Variants in NSMCE2 observed in about 807,000 individuals in gnomAD.
NSMCE2 encodes NSE2 SUMO ligase component of SMC5/6 complex, also known as E3 SUMO-protein ligase NSE2.
A neutral mutation model predicts 23.8 loss-of-function variants in NSMCE2; 24 were observed. The ratio of observed to expected loss-of-function variants is 1.01; its 90% CI spans 0.73 to 1.42. NSMCE2 has a LOEUF of 1.42. Ranked by LOEUF, NSMCE2 falls within the 40% of genes most tolerant of loss-of-function variation. The probability of loss-of-function intolerance (pLI) is 0.00; values close to 1 mark genes in which losing one functional copy is unlikely to be tolerated. For missense variants in NSMCE2, 284 were observed against 296.5 expected, an observed-to-expected ratio of 0.96 and a Z score of 0.31; for synonymous variants, 92 against 94.1, an observed-to-expected ratio of 0.98 and a Z score of 0.13.
chr8:125,250,500 CATTT>C (rs1254006794), intron 5 of NSMCE2, among the ~76,000 whole-genome samples: 1 of 152,228 alleles, frequency 6.6e-6, no homozygotes, highest in African/African-American at 2.4e-5. Flanking sequence ...TGTAAGTAAA[CATTT>C]ATTAACTAAA....
Position 125,247,724 on chromosome 8 carries a change from C to CAAA in NSMCE2, c.418+65481_418+65483dup, listed in dbSNP as rs35494894. 2.8e-4 allele frequency among the ~76,000 whole-genome samples: 32 copies of CAAA among 113,024 alleles called. 1 individual carries two copies. The highest frequency in any genetic ancestry group is 3.1e-4 in the Non-Finnish European group (16 of 51,382). The allele number at this position is 113,024 out of a possible 152,430, so 74.1% of individuals were successfully genotyped here. ...GGACAACAAGAGCAAAATTCTGTCTCAAAAAAAAAAAAAAAGATTTGTTTC... is the reference window on the plus strand; with the variant it reads ...GGACAACAAGAGCAAAATTCTGTCTCAAAAAAAAAAAAAAAAAAGATTTGTTTC... On this transcript the variant is annotated intron_variant, in intron 5 of 7. Transcript: ENST00000287437.
intron 3 of NSMCE2, among the ~76,000 whole-genome samples, chr8:125,133,954 C>A (rs1290729121): frequency 6.6e-6 from 1 of 152,108 alleles, no homozygotes; most frequent in Non-Finnish European, 1.5e-5. Flanking sequence ...TGGGCTCCAA[C>A]CCCCAAGGCT....
chr8:125,178,801 T>C (rs1324957119), intron 4 of NSMCE2, among the ~76,000 whole-genome samples: 1 of 151,604 alleles, frequency 6.6e-6, no homozygotes, highest in Non-Finnish European at 1.5e-5. Flanking sequence ...ACCCGGGAGG[T>C]GGAGCTTGCA....
intron 4 of NSMCE2, among the ~76,000 whole-genome samples, chr8:125,152,417 A>G (rs1475638369): frequency 6.6e-6 from 1 of 152,212 alleles, no homozygotes; most frequent in Non-Finnish European, 1.5e-5. Context: ...AGTCTGGAGC[A>G]GGACTGGGAC....
chr8:125,106,832 C>T (rs1323893468), intron 3 of NSMCE2, among the ~76,000 whole-genome samples: 1 of 151,466 alleles, frequency 6.6e-6, no homozygotes, highest in African/African-American at 2.4e-5. Context: ...CCTGTCTCTA[C>T]TAAAAATACA....
chr8:125,170,394 T>C (rs1822131531), intron 4 of NSMCE2, among the ~76,000 whole-genome samples: 2 of 98,264 alleles, frequency 2.0e-5, no homozygotes, highest in African/African-American at 4.2e-5. Context: ...TTTTTTTTTT[T>C]TTTTTTTTTT....
At chr8:125,277,310 C>A (rs1253303858) in intron 5 of NSMCE2, among the ~76,000 whole-genome samples, 1 of 152,122 alleles carries the variant, frequency 6.6e-6, no homozygotes, top group Non-Finnish European at 1.5e-5. Context: ...ATCTCCTCCT[C>A]AAGTCACCTC....
At chr8:125,121,658 C>T (rs1475700724) in intron 3 of NSMCE2, among the ~76,000 whole-genome samples, 1 of 152,166 alleles carries the variant, frequency 6.6e-6, no homozygotes, top group East Asian at 1.9e-4. Flanking sequence ...CATAGGCATA[C>T]ATCTTTTGTA....
chr8:125,101,380 A>G (rs753018029), intron 1 of NSMCE2, among the ~76,000 whole-genome samples: 3 of 152,226 alleles, frequency 2.0e-5, no homozygotes, highest in Non-Finnish European at 4.4e-5. Flanking sequence ...TTAATTGTGT[A>G]CTGTATGCTA....
intron 5 of NSMCE2, among the ~76,000 whole-genome samples, chr8:125,313,198 GAGAGAA>G (rs1444874708): frequency 5.5e-5 from 8 of 144,596 alleles, no homozygotes; most frequent in African/African-American, 1.3e-4. Flanking sequence ...AAGAAAGAGA[GAGAGAA>G]AGAAAGAAAG....
intron 3 of NSMCE2, among the ~76,000 whole-genome samples, chr8:125,132,654 C>T (rs760407493): frequency 4.6e-5 from 7 of 152,016 alleles, no homozygotes; most frequent in Non-Finnish European, 7.4e-5. Flanking sequence ...CTACCACACT[C>T]GGGTCATTCT....
chr8:125,283,717 G>C (rs1436817043), intron 5 of NSMCE2, among the ~76,000 whole-genome samples: 2 of 152,182 alleles, frequency 1.3e-5, no homozygotes, highest in East Asian at 1.9e-4. Flanking sequence ...GGGGAGGGCT[G>C]TCCAGCTGGG....
At chr8:125,357,361 C>T (rs1813327441) in intron 6 of NSMCE2, 42 bp downstream of exon 6, 4 of 1,277,256 alleles carry the variant, frequency 3.1e-6, no homozygotes, top group Non-Finnish European at 4.6e-6. Flanking sequence ...ACACGATTCA[C>T]TTCACAGAGG....
chr8:125,153,003 G>A (rs1179485409), intron 4 of NSMCE2, among the ~76,000 whole-genome samples: 3 of 139,444 alleles, frequency 2.2e-5, no homozygotes, highest in Non-Finnish European at 4.5e-5. Flanking sequence ...GTTGCAGTGA[G>A]CTGAGATCAC....
chr8:125,284,088 A>G (rs1586717650), intron 5 of NSMCE2, among the ~76,000 whole-genome samples: 2 of 151,524 alleles, frequency 1.3e-5, no homozygotes, highest in African/African-American at 2.4e-5. Context: ...TGGGAAGCAG[A>G]GCTTGCAGTG....
At chr8:125,274,853 C>CT (rs1174595936) in intron 5 of NSMCE2, among the ~76,000 whole-genome samples, 3 of 150,414 alleles carry the variant, frequency 2.0e-5, no homozygotes, top group African/African-American at 7.4e-5. Flanking sequence ...TTGCTTGAAC[C>CT]TGGGAGGCGG....
chr8:125,133,731 A>G (rs1338666131), intron 3 of NSMCE2, among the ~76,000 whole-genome samples: 7 of 152,036 alleles, frequency 4.6e-5, no homozygotes, highest in Admixed American at 4.6e-4. Flanking sequence ...CTCCATCTCA[A>G]AAAAACAAAG....
chr8:125,322,146 C>T (rs563289455), intron 5 of NSMCE2, among the ~76,000 whole-genome samples: 12 of 152,178 alleles, frequency 7.9e-5, no homozygotes, highest in Middle Eastern at 3.4e-3. Context: ...GTGGGAGAGT[C>T]GCTTGAGCCC....
At chr8:125,283,326 T>C (rs546185903) in intron 5 of NSMCE2, among the ~76,000 whole-genome samples, 1 of 151,978 alleles carries the variant, frequency 6.6e-6, no homozygotes, top group South Asian at 2.1e-4. Context: ...AAGTGGGTGA[T>C]CACTTGAGTC....
Sources: gnomAD v4.1 joint callset for allele counts (sites outside exome capture counted in the v4.1 genomes callset) on GRCh38, gnomAD v4.1.1 for gene constraint, MANE v1.5 for transcripts, NCBI Gene and HGNC (gene_info 2026-07-23, HGNC 2026-07-21) for gene names.